The following ARPC2 variants were observed in gnomAD, a reference collection of about 807,000 sequenced individuals.
ARPC2 encodes the protein actin-related protein 2/3 complex subunit 2.
Under a neutral mutation model 38.6 loss-of-function variants are expected in ARPC2, and 4 were observed. That is an observed-to-expected ratio of 0.10 (90% confidence interval 0.05 to 0.24). The LOEUF (loss-of-function observed/expected upper bound fraction) is 0.24, where lower values mean the gene tolerates loss of function less well. Ranked by LOEUF, ARPC2 falls within the 10% of genes least tolerant of loss-of-function variation. The pLI, the probability that ARPC2 is intolerant of heterozygous loss-of-function variation, is 1.00. For missense variants in ARPC2, 229 were observed against 387.3 expected (o/e 0.59, Z 3.43); for synonymous variants, 125 against 140.8 (o/e 0.89, Z 0.79).
At chr2:218,244,159 C>T (rs1689977561) in intron 7 of ARPC2, among the ~76,000 whole-genome samples, 1 of 152,062 alleles carries the variant, frequency 6.6e-6, no homozygotes, top group Admixed American at 6.6e-5. Context: ...GATATTTTTC[C>T]TTCGGGGAAC....
intron 10 of ARPC2, among the ~76,000 whole-genome samples, chr2:218,250,877 G>T (rs1482164900): frequency 6.6e-6 from 1 of 151,848 alleles, no homozygotes; most frequent in Non-Finnish European, 1.5e-5. Flanking sequence ...TTTGGTGGGG[G>T]TGTTGGGGGA....
At chr2:218,226,404 C>T (rs142130723) in intron 3 of ARPC2, among the ~76,000 whole-genome samples, 2,116 of 151,780 alleles carry the variant, frequency 0.014, 49 homozygotes, top group African/African-American at 0.048. Flanking sequence ...CCACGGCAGG[C>T]GGATCACGAC....
At position 218,239,403 on chromosome 2, in the gene ARPC2, T is replaced by G; in HGVS notation, c.468T>G (p.Ser156=). The G allele has an allele frequency of 2.5e-6, 4 of 1,613,696 alleles. No homozygotes were observed. The highest frequency in any genetic ancestry group is 2.5e-6 in the Non-Finnish European group (3 of 1,179,656). ...YRDDETMYVE[S]KKDRVTVVFS... ...TTGTTCCTCTCAGGTATGTTGAGTC[T>G]AAAAAGGACAGAGTCACAGTAGTCT... Residue 156 remains serine (S), a synonymous_variant, in exon 7 of 11, where the codon TCT becomes TCG. Coordinates refer to ENST00000315717, the MANE Select transcript of ARPC2 (RefSeq NM_152862.3).
chr2:218,249,497 C>T, intron 9 of ARPC2, 33 bp downstream of exon 9: 1 of 1,492,198 alleles, frequency 6.7e-7, no homozygotes, highest in Non-Finnish European at 9.2e-7. Context: ...AGCCTCTATG[C>T]TCTGGGTCTT....
chr2:218,249,222 A>G (rs1690121292), intron 8 of ARPC2, 142 bp from the exon 9 acceptor site: 2 of 606,776 alleles, frequency 3.3e-6, no homozygotes, highest in Admixed American at 3.5e-5. Context: ...TCAAGAAAAA[A>G]CCCTGACAAA....
chr2:218,233,679 TC>T (rs1689697851), intron 4 of ARPC2: 1 of 150,970 alleles, frequency 6.6e-6, no homozygotes, highest in Admixed American at 6.7e-5. Flanking sequence ...CCTGGTTTTT[TC>T]TCTTTATTCA....
At position 218,217,265 on chromosome 2, in the gene ARPC2, T is replaced by C; in HGVS notation, c.-9+11T>C. ...GGCTTCGGGGGCCAGGTCGGTTGGG[T>C]GGGTGGGTGTCTCCACAGTCTGCGT... On this transcript the variant is annotated intron_variant, in intron 1 of 10. Transcript: ENST00000315717. 5 of 445,630 alleles carry C rather than the reference T, an allele frequency of 1.1e-5. No homozygotes were observed. Among genetic ancestry groups the C allele is most frequent in the Non-Finnish European group, 2.0e-5 (5 of 253,356 alleles). The allele number at this position is 445,630 out of a possible 1,614,324, so 27.6% of individuals were successfully genotyped here.
chr2:218,237,173 C>T (rs1350626922), intron 5 of ARPC2, among the ~76,000 whole-genome samples: 2 of 152,064 alleles, frequency 1.3e-5, no homozygotes, highest in African/African-American at 2.4e-5. Flanking sequence ...TCCCCTATCT[C>T]CGCACCCCCT....
At position 218,217,195 on chromosome 2, in the gene ARPC2, G is replaced by A; in HGVS notation, c.-68G>A. ...CTGGGCGGGGACCGGGCTTGTCGGTGAAGCGGCAGTGGCGGCGGCGGCGGC... is the reference window on the plus strand; with the variant it reads ...CTGGGCGGGGACCGGGCTTGTCGGTAAAGCGGCAGTGGCGGCGGCGGCGGC... On this transcript the variant is annotated 5_prime_UTR_variant, in exon 1 of 11. Coordinates refer to ENST00000315717, the MANE Select transcript of ARPC2 (RefSeq NM_152862.3). The A allele has an allele frequency of 2.2e-6, 1 of 445,224 alleles. No individual in the cohort carries two copies. Among genetic ancestry groups the A allele is most frequent in the South Asian group, 2.8e-5 (1 of 35,288 alleles). The allele number at this position is 445,224 out of a possible 1,614,324, so 27.6% of individuals were successfully genotyped here. A position where few individuals can be genotyped will look rare whatever the true frequency, so the allele number is the denominator to read the frequency against.
At chr2:218,234,030 A>G (rs28374262) in intron 4 of ARPC2, 73,992 of 180,356 alleles carry the variant, frequency 0.41, 18,147 homozygotes, top group South Asian at 0.6. Flanking sequence ...TTAGCCGGGC[A>G]TGGTGGCGCA....
chr2:218,229,250 T>C (rs984279966), intron 4 of ARPC2: 1 of 153,304 alleles, frequency 6.5e-6, no homozygotes, highest in Non-Finnish European at 1.5e-5. Flanking sequence ...AGCTGTCTTT[T>C]GAAATTTTTA....
At chr2:218,221,273 G>C (rs1689379595) in intron 2 of ARPC2, among the ~76,000 whole-genome samples, 1 of 152,154 alleles carries the variant, frequency 6.6e-6, no homozygotes, top group South Asian at 2.1e-4. Flanking sequence ...TGCCAGTTGG[G>C]GTGGGCGAGG....
chr2:218,250,953 TG>T, intron 10 of ARPC2, among the ~76,000 whole-genome samples: 1 of 152,028 alleles, frequency 6.6e-6, no homozygotes, highest in Admixed American at 6.5e-5. Flanking sequence ...CTGCAGCCTC[TG>T]CCTCCCAACT....
intron 7 of ARPC2, 109 bp downstream of exon 7, chr2:218,239,593 A>ATTT (rs34974153): frequency 2.9e-5 from 18 of 625,114 alleles, no homozygotes; most frequent in Non-Finnish European, 3.7e-5. Context: ...TGATGTTAGA[A>ATTT]TTTTTTTTTT....
chr2:218,219,375 C>T (rs767033479), intron 2 of ARPC2, among the ~76,000 whole-genome samples: 15 of 149,036 alleles, frequency 1.0e-4, no homozygotes, highest in Non-Finnish European at 1.9e-4. Flanking sequence ...TTTTTTTTTC[C>T]GAGACAGAGT....
At chr2:218,224,613 C>T (rs1172761677) in intron 2 of ARPC2, among the ~76,000 whole-genome samples, 1 of 152,128 alleles carries the variant, frequency 6.6e-6, no homozygotes, top group Non-Finnish European at 1.5e-5. Flanking sequence ...TAGTTTTTTC[C>T]TTCTATTCTG....
intron 8 of ARPC2, among the ~76,000 whole-genome samples, chr2:218,246,419 A>G (rs1690033034): frequency 2.6e-5 from 4 of 151,938 alleles, no homozygotes; most frequent in African/African-American, 9.7e-5. Context: ...AATCCCAGCT[A>G]CTCGGGAGGC....
intron 8 of ARPC2, among the ~76,000 whole-genome samples, chr2:218,247,624 C>T (rs542726985): frequency 4.2e-4 from 64 of 152,204 alleles, no homozygotes; most frequent in African/African-American, 1.3e-3. Context: ...CCACCACACC[C>T]GGCTAATTTT....
chr2:218,237,207 C>CT (rs1029520442), intron 5 of ARPC2, among the ~76,000 whole-genome samples: 31 of 150,996 alleles, frequency 2.1e-4, no homozygotes, highest in South Asian at 1.3e-3. Context: ...TTCTTTTTTT[C>CT]TTTTTTTTTG....
Sources: gnomAD v4.1 joint callset for allele counts (sites outside exome capture counted in the v4.1 genomes callset) on GRCh38, gnomAD v4.1.1 for gene constraint, MANE v1.5 for transcripts, NCBI Gene and HGNC (gene_info 2026-07-23, HGNC 2026-07-21) for gene names.